Variants in PRDM4 observed in about 807,000 individuals in gnomAD.
PRDM4 encodes the protein PR/SET domain 4.
Under a neutral mutation model 62.3 loss-of-function variants are expected in PRDM4, and 38 were observed. The observed-to-expected ratio is 0.61, with a 90% CI of 0.47 to 0.80. The LOEUF (loss-of-function observed/expected upper bound fraction) is 0.80. PRDM4 is among the 30% of genes least tolerant of loss of function. The pLI is 0.00. For synonymous variants in PRDM4, 339 were observed against 348.2 expected, an observed-to-expected ratio of 0.97 and a Z score of 0.30; for missense variants, 858 against 997.1, an observed-to-expected ratio of 0.86 and a Z score of 1.88.
chr12:107,734,339 C>G lies in PRDM4; in HGVS notation c.2277G>C (p.Ser759=), dbSNP rs201810021. ...LKTCKGPTSS[S]SAPEEEEEDD... is the part of the protein sequence containing the mutation. Reference sequence around the variant, plus strand: ...CCTCTTCTTCCTCCTCTGGTGCTGACGAACTGGAGGTGGGCCCTTTGCAGG... The same window carrying G: ...CCTCTTCTTCCTCCTCTGGTGCTGAGGAACTGGAGGTGGGCCCTTTGCAGG... The change falls in exon 12 of 12, where the codon TCG becomes TCC. Residue 759 remains serine (S), a synonymous_variant. Coordinates refer to ENST00000228437, the MANE Select transcript of PRDM4 (RefSeq NM_012406.4). 6.8e-6 allele frequency: 11 copies of G among 1,614,180 alleles called. No individual in the cohort carries two copies. Among genetic ancestry groups the G allele is most frequent in the Non-Finnish European group, 9.3e-6 (11 of 1,180,010 alleles).
chr12:107,760,422 A>G (rs2302733), intron 2 of PRDM4, 83 bp downstream of exon 2: 576,121 of 1,562,270 alleles, frequency 0.37, 113,627 homozygotes, highest in Middle Eastern at 0.41. Flanking sequence ...AATGGCACCA[A>G]AAACAACGGC....
At chr12:107,755,229 G>T (rs986091458) in intron 3 of PRDM4, among the ~76,000 whole-genome samples, 1 of 152,032 alleles carries the variant, frequency 6.6e-6, no homozygotes, top group Non-Finnish European at 1.5e-5. Flanking sequence ...TACGTAGCTG[G>T]GACTACGGGT....
chr12:107,747,961 T>C (rs1890767618), intron 5 of PRDM4, among the ~76,000 whole-genome samples: 1 of 152,122 alleles, frequency 6.6e-6, no homozygotes, highest in South Asian at 2.1e-4. Context: ...CCATGTTGCC[T>C]AGGCTGGTCT....
chr12:107,744,399 T>TA, intron 7 of PRDM4, 144 bp downstream of exon 7: 1 of 944,076 alleles, frequency 1.1e-6, no homozygotes, highest in Non-Finnish European at 1.5e-6. Flanking sequence ...ATGTAACATT[T>TA]AAAAAAATGT....
At chr12:107,760,413 A>G (rs77571590) in intron 2 of PRDM4, 92 bp downstream of exon 2, 2 of 1,531,728 alleles carry the variant, frequency 1.3e-6, no homozygotes, top group East Asian at 2.3e-5. Flanking sequence ...AACCTTCTCA[A>G]TGGCACCAAA....
intron 2 of PRDM4, among the ~76,000 whole-genome samples, chr12:107,758,625 G>A (rs755764046): frequency 6.6e-6 from 1 of 152,092 alleles, no homozygotes; most frequent in Non-Finnish European, 1.5e-5. Flanking sequence ...GTAAGAAAAA[G>A]ACAATTACAA....
intron 11 of PRDM4, among the ~76,000 whole-genome samples, chr12:107,734,764 C>A (rs901393386): frequency 6.6e-6 from 1 of 152,086 alleles, no homozygotes; most frequent in Non-Finnish European, 1.5e-5. Flanking sequence ...ATATGTATTT[C>A]TTTTGTCTTG....
intron 5 of PRDM4, 40 bp downstream of exon 5, chr12:107,751,375 T>A: frequency 2.6e-6 from 4 of 1,551,492 alleles, no homozygotes; most frequent in Non-Finnish European, 3.5e-6. Flanking sequence ...GTGGCCCTTT[T>A]TACAAATATT....
Position 107,758,241 on chromosome 12 carries a change from T to C in PRDM4, c.12-1276A>G, listed in dbSNP as rs941145187. The C allele has an allele frequency of 1.8e-4, 14 of 78,914 alleles. No individual in the cohort carries two copies. In the South Asian group the frequency reaches 5.9e-3, roughly 33 times the overall value. The allele number at this position is 78,914 out of a possible 1,614,324, so 4.9% of individuals were successfully genotyped here. A position where few individuals can be genotyped will look rare whatever the true frequency, so the allele number is the denominator to read the frequency against. The stretch of plus-strand genomic sequence containing the variant: ...TGTAACTATCTCTCTTAATCTTCTT[T>C]TTTTTTTTTTTTTTTTTTTTGTTTT... On this transcript the variant is annotated intron_variant, in intron 2 of 11. Transcript: ENST00000228437.
chr12:107,752,986 T>C (rs1890944394), intron 4 of PRDM4, among the ~76,000 whole-genome samples: 1 of 152,048 alleles, frequency 6.6e-6, no homozygotes, highest in Non-Finnish European at 1.5e-5. Flanking sequence ...AAAGGATAAT[T>C]ATGAAAACCA....
At chr12:107,745,429 A>G (rs561556115) in intron 6 of PRDM4, among the ~76,000 whole-genome samples, 5 of 152,014 alleles carry the variant, frequency 3.3e-5, no homozygotes, top group African/African-American at 1.2e-4. Context: ...TTAGCTGGGC[A>G]TGATTGCATA....
At position 107,738,807 on chromosome 12, in the gene PRDM4, T is replaced by C. The variant is rs150297450; in HGVS notation, c.2093+576A>G. Among the ~76,000 whole-genome samples, 73 of 152,034 alleles carry C rather than the reference T, an allele frequency of 4.8e-4. 1 individual carries two copies. The East Asian group carries it at 0.011, about 23-fold the overall frequency. On this transcript the variant is annotated intron_variant, in intron 11 of 11. Transcript: ENST00000228437. ...GCTTGCACAACAACGTGAATATAAC[T>C]AACACTATTGAACTGGGCACTTACA... is the stretch of plus-strand genomic sequence containing the variant.
intron 2 of PRDM4, 23 bp downstream of exon 2, chr12:107,760,479 GTGC>G (rs1891206817): frequency 1.2e-6 from 2 of 1,613,364 alleles, no homozygotes; most frequent in Non-Finnish European, 1.7e-6. Context: ...GATGTCACCA[GTGC>G]TGAAGCCCAC....
intron 11 of PRDM4, among the ~76,000 whole-genome samples, chr12:107,738,701 T>G (rs1161021808): frequency 6.6e-6 from 1 of 152,186 alleles, no homozygotes; most frequent in Admixed American, 6.5e-5. Context: ...TCAATCATCC[T>G]CTGTTCAGCT....
Position 107,744,528 on chromosome 12 carries a change from T to A in PRDM4, c.1395+15A>T, listed in dbSNP as rs1890625687. ...AAACAGCCAAAAGCCACAGAAAAGT[T>A]TCATCAGGACTGACCTTCCAGATAT... On this transcript the variant is annotated intron_variant, in intron 7 of 11. Transcript: ENST00000228437. 6.2e-7 allele frequency: 1 copy of A among 1,600,112 alleles called. No homozygotes were observed. The highest frequency in any genetic ancestry group is 2.2e-5 in the East Asian group (1 of 44,486).
intron 11 of PRDM4, 35 bp downstream of exon 11, chr12:107,739,348 C>T (rs1313700198): frequency 1.9e-6 from 3 of 1,601,048 alleles, no homozygotes; most frequent in East Asian, 2.2e-5. Flanking sequence ...GGCTCACCAC[C>T]TGAGGAACGA....
At chr12:107,738,514 A>G (rs1389351032) in intron 11 of PRDM4, 2 of 152,248 alleles carry the variant, frequency 1.3e-5, no homozygotes, top group African/African-American at 4.8e-5. Context: ...GAGAATTTCC[A>G]TAACATAAGC....
intron 5 of PRDM4, among the ~76,000 whole-genome samples, chr12:107,750,166 G>C (rs1890844425): frequency 6.6e-6 from 1 of 152,134 alleles, no homozygotes; most frequent in South Asian, 2.1e-4. Context: ...CTTCCTACCA[G>C]ACTGTAAGCT....
chr12:107,757,225 T>C (rs1175592085), intron 2 of PRDM4, among the ~76,000 whole-genome samples: 3 of 152,236 alleles, frequency 2.0e-5, no homozygotes, highest in Non-Finnish European at 4.4e-5. Context: ...TTCGAAACTC[T>C]AGGCACACCA....
Sources: gnomAD v4.1 joint callset for allele counts (sites outside exome capture counted in the v4.1 genomes callset) on GRCh38, gnomAD v4.1.1 for gene constraint, MANE v1.5 for transcripts, NCBI Gene and HGNC (gene_info 2026-07-23, HGNC 2026-07-21) for gene names.